The following PAM variants were observed in gnomAD, a reference collection of about 807,000 sequenced individuals.
The protein encoded by PAM is peptidyl-glycine alpha-amidating monooxygenase.
PAM carries 72 observed loss-of-function variants against 122.1 expected under a neutral mutation model. That is an observed-to-expected ratio of 0.59 (90% CI 0.49 to 0.72). The LOEUF is 0.72. Among genes scored for constraint, PAM ranks in the 30% least tolerant of loss-of-function variants. The probability of loss-of-function intolerance (pLI) is 0.00; values close to 1 mark genes in which losing one functional copy is unlikely to be tolerated. For missense variants in PAM, 1,106 were observed against 1,183.7 expected (o/e 0.93, Z 0.96); for synonymous variants, 389 against 404.4 (o/e 0.96, Z 0.46).
chr5:102,897,677 C>T (rs1796588031), intron 3 of PAM, among the ~76,000 whole-genome samples: 1 of 151,558 alleles, frequency 6.6e-6, no homozygotes, highest in Non-Finnish European at 1.5e-5. Flanking sequence ...GATAAAACTG[C>T]ATCATGTTAT....
In PAM at chr5:103,010,236, T is replaced by G. The variant is rs1302706478; in HGVS notation, c.2331+370T>G. Among the ~76,000 whole-genome samples, 2 of 152,306 alleles carry G rather than the reference T, an allele frequency of 1.3e-5. 1 individual carries two copies. The highest frequency in any genetic ancestry group is 6.8e-3 in the Middle Eastern group (2 of 294). ...AGAGAAAACATCACAACATGTTAAGTGTACTCTTAAAGTTCTCTTAGACCC... is the reference window on the plus strand; with the variant it reads ...AGAGAAAACATCACAACATGTTAAGGGTACTCTTAAAGTTCTCTTAGACCC... On this transcript the variant is annotated intron_variant, in intron 21 of 25. Transcript: ENST00000438793.
chr5:102,780,949 T>A (rs900180785), intron 1 of PAM, among the ~76,000 whole-genome samples: 5 of 151,738 alleles, frequency 3.3e-5, no homozygotes, highest in African/African-American at 1.2e-4. Flanking sequence ...GCAGCATCTC[T>A]GGCTTCTACC....
chr5:102,813,829 T>C (rs1434250672), intron 1 of PAM, among the ~76,000 whole-genome samples: 1 of 151,916 alleles, frequency 6.6e-6, no homozygotes, highest in Non-Finnish European at 1.5e-5. Context: ...CTGGGGCAAA[T>C]AGGGAGAAGA....
At chr5:102,915,589 A>G (rs1214062802) in intron 5 of PAM, among the ~76,000 whole-genome samples, 1 of 152,152 alleles carries the variant, frequency 6.6e-6, no homozygotes, top group Non-Finnish European at 1.5e-5. Context: ...CTTTTCCTGA[A>G]TCTTATTCAG....
intron 12 of PAM, among the ~76,000 whole-genome samples, chr5:102,956,233 T>C (rs1760689083): frequency 6.6e-6 from 1 of 152,100 alleles, no homozygotes; most frequent in East Asian, 1.9e-4. Flanking sequence ...CATTTATATG[T>C]GTATCAAATT....
At chr5:102,826,742 T>A (rs980014896) in intron 1 of PAM, among the ~76,000 whole-genome samples, 1 of 152,150 alleles carries the variant, frequency 6.6e-6, no homozygotes, top group Admixed American at 6.5e-5. Context: ...GGTCTTACAG[T>A]GTAACTGCCA....
chr5:102,827,093 G>T (rs2150379216), intron 1 of PAM, among the ~76,000 whole-genome samples: 1 of 152,272 alleles, frequency 6.6e-6, no homozygotes, highest in East Asian at 1.9e-4. Flanking sequence ...AGGAATAAAA[G>T]TCAAGAACTG....
At chr5:102,855,428 A>G (rs1782382247) in intron 1 of PAM, among the ~76,000 whole-genome samples, 1 of 152,230 alleles carries the variant, frequency 6.6e-6, no homozygotes, top group Admixed American at 6.5e-5. Context: ...TGGAAAACAT[A>G]AGAATCATTT....
At chr5:102,813,203 T>A (rs1271907913) in intron 1 of PAM, among the ~76,000 whole-genome samples, 4 of 152,270 alleles carry the variant, frequency 2.6e-5, no homozygotes, top group African/African-American at 9.6e-5. Flanking sequence ...ATCTTTAAAG[T>A]TTACCTTTGA....
intron 1 of PAM, among the ~76,000 whole-genome samples, chr5:102,804,355 G>A (rs187850131): frequency 1.2e-3 from 189 of 152,238 alleles, no homozygotes; most frequent in African/African-American, 3.4e-3. Context: ...TGGAGTCAGG[G>A]AAGCCAGAAC....
intron 15 of PAM, among the ~76,000 whole-genome samples, chr5:102,989,254 C>T (rs557520096): frequency 7.2e-5 from 11 of 152,204 alleles, no homozygotes; most frequent in Admixed American, 2.0e-4. Context: ...CTATAATCCC[C>T]ACACTTTGGG....
At chr5:102,986,302 T>C (rs1364939527) in intron 15 of PAM, among the ~76,000 whole-genome samples, 18 of 152,180 alleles carry the variant, frequency 1.2e-4, no homozygotes, top group Admixed American at 1.2e-3. Context: ...TAGTCCCTCT[T>C]TGTAGATGAC....
intron 15 of PAM, among the ~76,000 whole-genome samples, chr5:102,984,506 A>G (rs982593651): frequency 2.6e-5 from 4 of 152,244 alleles, no homozygotes; most frequent in African/African-American, 4.8e-5. Context: ...TGATCATTAT[A>G]TAATGACAAA....
At chr5:102,815,816 T>G (rs2150252609) in intron 1 of PAM, among the ~76,000 whole-genome samples, 1 of 152,342 alleles carries the variant, frequency 6.6e-6, no homozygotes, top group African/African-American at 2.4e-5. Context: ...CCAAACTTAG[T>G]ACTAAGTGTT....
intron 15 of PAM, among the ~76,000 whole-genome samples, chr5:102,976,728 T>C (rs1767806835): frequency 6.6e-6 from 1 of 152,224 alleles, no homozygotes; most frequent in Admixed American, 6.5e-5. Context: ...CTCATACTTA[T>C]TTCAGATATC....
chr5:102,782,716 T>TCA (rs1332605107), intron 1 of PAM, among the ~76,000 whole-genome samples: 1 of 147,318 alleles, frequency 6.8e-6, no homozygotes, highest in African/African-American at 2.6e-5. Flanking sequence ...TCTCTCTCTC[T>TCA]CTCTCTCTCT....
intron 4 of PAM, among the ~76,000 whole-genome samples, chr5:102,905,745 A>G (rs777902315): frequency 2.0e-5 from 3 of 151,604 alleles, no homozygotes; most frequent in African/African-American, 4.8e-5. Flanking sequence ...TCCCCATGCA[A>G]TCATTCTGTT....
In PAM at chr5:102,926,621, A is replaced by G. The variant is rs1749656891; in HGVS notation, c.479A>G (p.Lys160Arg). 1 of 1,602,510 alleles carries G rather than the reference A, an allele frequency of 6.2e-7. No homozygotes were observed. Among genetic ancestry groups the G allele is most frequent in the Non-Finnish European group, 8.5e-7 (1 of 1,169,756 alleles). ...GFRVGGETGS[K>R]YFVLQVHYGD... ...AGAGTTGGAGGAGAGACTGGAAGTA[A>G]ATACTTTGTACTACAGGTACACTAT... Residue 160 changes from lysine (K) to arginine (R), a missense_variant, in exon 7 of 26, where the codon AAA becomes AGA. Coordinates refer to ENST00000438793, the MANE Select transcript of PAM (RefSeq NM_001177306.2).
chr5:102,985,669 TA>T (rs1332908244), intron 15 of PAM, among the ~76,000 whole-genome samples: 2 of 151,970 alleles, frequency 1.3e-5, no homozygotes, highest in Admixed American at 6.6e-5. Context: ...ACCAAAATTA[TA>T]AAGAACTAAT....
Sources: allele counts gnomAD v4.1 joint callset (sites outside exome capture counted in the v4.1 genomes callset), GRCh38; gene constraint gnomAD v4.1.1; transcripts MANE v1.5; gene names NCBI Gene and HGNC (gene_info 2026-07-23, HGNC 2026-07-21).